The following TMEM182 variants were observed in gnomAD, a reference collection of about 807,000 sequenced individuals.
TMEM182 encodes transmembrane protein 182.
Under a neutral mutation model 26.8 loss-of-function variants are expected in TMEM182, and 20 were observed. The observed-to-expected ratio is 0.75, with a 90% confidence interval of 0.53 to 1.09. The LOEUF (loss-of-function observed/expected upper bound fraction) is 1.09, where lower values mean the gene tolerates loss of function less well. TMEM182 is among the 50% of genes least tolerant of loss of function. The pLI, the probability that TMEM182 is intolerant of heterozygous loss-of-function variation, is 0.00. For missense variants in TMEM182, 277 were observed against 275.5 expected, an observed-to-expected ratio of 1.01 and a Z score of -0.04; for synonymous variants, 109 against 102.2, an observed-to-expected ratio of 1.07 and a Z score of -0.40.
chr2:102,842,325 A>G (rs766905186), intron 3 of TMEM182, among the ~76,000 whole-genome samples: 2 of 152,172 alleles, frequency 1.3e-5, no homozygotes, highest in East Asian at 1.9e-4. Flanking sequence ...GATCACCTCA[A>G]TTTCTCCTTC....
intron 3 of TMEM182, among the ~76,000 whole-genome samples, chr2:102,831,495 G>A (rs1683147674): frequency 6.6e-6 from 1 of 152,178 alleles, no homozygotes; most frequent in South Asian, 2.1e-4. Context: ...GGTGGTTCAT[G>A]CCTGTAATCC....
Position 102,816,594 on chromosome 2 carries a change from A to G in TMEM182, c.*1626A>G. The G allele has an allele frequency of 2.0e-6, 2 of 985,096 alleles. No individual in the cohort carries two copies. Among genetic ancestry groups the G allele is most frequent in the South Asian group, 4.7e-5 (1 of 21,264 alleles). 61.0% of individuals were successfully genotyped at this position (985,096 alleles called of 1,614,324 possible). A position where few individuals can be genotyped will look rare whatever the true frequency, so the allele number is the denominator to read the frequency against. On this transcript the variant is annotated 3_prime_UTR_variant, in exon 5 of 5. Transcript: ENST00000412401. ...TTTCTCAAGTCATTTCAGTGATATC[A>G]TTGAAACGTTTTTGTGGTACTTCCC...
At chr2:102,779,688 T>C (rs1245763418) in intron 3 of TMEM182, among the ~76,000 whole-genome samples, 1 of 150,672 alleles carries the variant, frequency 6.6e-6, no homozygotes, top group African/African-American at 2.5e-5. Context: ...TCATACTTTC[T>C]ATTTTTTTTT....
chr2:102,800,323 A>T, intron 4 of TMEM182, among the ~76,000 whole-genome samples: 1 of 152,162 alleles, frequency 6.6e-6, no homozygotes. Flanking sequence ...AGAAACCTCT[A>T]ATCTACTTTC....
intron 3 of TMEM182, among the ~76,000 whole-genome samples, chr2:102,788,593 C>T (rs1402074271): frequency 6.6e-6 from 1 of 151,958 alleles, no homozygotes; most frequent in Non-Finnish European, 1.5e-5. Context: ...TTCCTGGTAC[C>T]CAGGAAGCCT....
chr2:102,797,141 G>C (rs1264733485), intron 3 of TMEM182, among the ~76,000 whole-genome samples: 2 of 152,082 alleles, frequency 1.3e-5, no homozygotes, highest in Admixed American at 6.5e-5. Flanking sequence ...AGCCTTGCTT[G>C]TCCTTGACTC....
chr2:102,816,601 C>A lies in TMEM182; in HGVS notation c.*1633C>A, dbSNP rs1200883133. 3.0e-6 allele frequency: 3 copies of A among 984,464 alleles called. No homozygotes were observed. The African/African-American group carries it at 5.3e-5, about 17-fold the overall frequency. 61.0% of individuals were successfully genotyped at this position (984,464 alleles called of 1,614,324 possible). On this transcript the variant is annotated 3_prime_UTR_variant, in exon 5 of 5. Transcript: ENST00000412401. ...AGTCATTTCAGTGATATCATTGAAA[C>A]GTTTTTGTGGTACTTCCCTTTGTCT...
chr2:102,784,454 TC>T (rs1681304588), intron 3 of TMEM182, among the ~76,000 whole-genome samples: 1 of 152,132 alleles, frequency 6.6e-6, no homozygotes, highest in East Asian at 1.9e-4. Context: ...GGACTGAAGC[TC>T]CATGTGGACA....
downstream of TMEM182, among the ~76,000 whole-genome samples, chr2:102,818,572 G>A (rs968128910): frequency 3.9e-5 from 6 of 152,136 alleles, no homozygotes; most frequent in Non-Finnish European, 5.9e-5. Context: ...AGTCTGGAAC[G>A]ACAATGGAGA....
chr2:102,837,719 T>TG (rs1291769889), intron 3 of TMEM182, among the ~76,000 whole-genome samples: 7 of 152,204 alleles, frequency 4.6e-5, no homozygotes, highest in Non-Finnish European at 8.8e-5. Flanking sequence ...ATGGGGCTGA[T>TG]GGGCCCTGAG....
chr2:102,804,803 G>T (rs553206840), intron 4 of TMEM182, among the ~76,000 whole-genome samples: 2 of 152,294 alleles, frequency 1.3e-5, no homozygotes, highest in South Asian at 2.1e-4. Flanking sequence ...TGCATCTCTT[G>T]TACTAGAATT....
chr2:102,742,601 A>G (rs1209197955), intron 1 of TMEM182, among the ~76,000 whole-genome samples: 2 of 152,204 alleles, frequency 1.3e-5, no homozygotes, highest in South Asian at 2.1e-4. Context: ...GATAAATACC[A>G]AAAAATCTCC....
At chr2:102,814,385 A>G (rs1479354261) in intron 4 of TMEM182, among the ~76,000 whole-genome samples, 1 of 152,260 alleles carries the variant, frequency 6.6e-6, no homozygotes, top group Middle Eastern at 3.4e-3. Context: ...TATAGTGCTC[A>G]TCCCAAACCA....
chr2:102,828,049 C>T (rs2104772793), intron 3 of TMEM182, among the ~76,000 whole-genome samples: 1 of 152,224 alleles, frequency 6.6e-6, no homozygotes, highest in Non-Finnish European at 1.5e-5. Flanking sequence ...CGAGATCGTG[C>T]CACTGCACTC....
At chr2:102,808,955 A>T (rs551527331) in intron 4 of TMEM182, among the ~76,000 whole-genome samples, 1 of 152,208 alleles carries the variant, frequency 6.6e-6, no homozygotes, top group Admixed American at 6.5e-5. Flanking sequence ...TGATGCATAC[A>T]TTCTATTTTT....
chr2:102,802,068 G>A (rs1450418879), intron 4 of TMEM182, among the ~76,000 whole-genome samples: 1 of 152,308 alleles, frequency 6.6e-6, no homozygotes, highest in East Asian at 1.9e-4. Context: ...ACTAGGAGCA[G>A]GTGCAGCCTG....
intron 2 of TMEM182, among the ~76,000 whole-genome samples, chr2:102,763,038 T>A (rs2104657558): frequency 1.3e-5 from 2 of 152,300 alleles, no homozygotes; most frequent in Non-Finnish European, 2.9e-5. Flanking sequence ...AATAAGATTT[T>A]TTTGCTATCA....
chr2:102,811,355 G>A (rs1682550751), intron 4 of TMEM182, among the ~76,000 whole-genome samples: 2 of 152,162 alleles, frequency 1.3e-5, no homozygotes, highest in African/African-American at 2.4e-5. Flanking sequence ...CACTGGTGAT[G>A]TTAACTTTGA....
At chr2:102,810,448 TG>T (rs1285474777) in intron 4 of TMEM182, among the ~76,000 whole-genome samples, 2 of 152,326 alleles carry the variant, frequency 1.3e-5, no homozygotes, top group East Asian at 3.9e-4. Context: ...GCATTCCCAA[TG>T]GCCATTTGTC....
Sources: gnomAD v4.1 joint callset for allele counts (sites outside exome capture counted in the v4.1 genomes callset) on GRCh38, gnomAD v4.1.1 for gene constraint, MANE v1.5 for transcripts, NCBI Gene and HGNC (gene_info 2026-07-23, HGNC 2026-07-21) for gene names.